The following NRDE2 variants were observed in gnomAD, a reference collection of about 807,000 sequenced individuals.
The protein encoded by NRDE2 is NRDE-2, necessary for RNA interference, domain containing, also known as nuclear exosome regulator NRDE2.
Under a neutral mutation model 124.2 loss-of-function variants are expected in NRDE2, and 76 were observed. The ratio of observed to expected loss-of-function variants is 0.61; its 90% confidence interval spans 0.51 to 0.74. The LOEUF is 0.74. NRDE2 is among the 30% of genes least tolerant of loss of function. The pLI, the probability that NRDE2 is intolerant of heterozygous loss-of-function variation, is 0.00. For missense variants in NRDE2, 1,314 were observed against 1,417.3 expected, an observed-to-expected ratio of 0.93 and a Z score of 1.17; for synonymous variants, 489 against 528.1, an observed-to-expected ratio of 0.93 and a Z score of 1.01.
intron 1 of NRDE2, among the ~76,000 whole-genome samples, chr14:90,326,956 TA>T (rs1033088724): frequency 6.6e-6 from 1 of 152,190 alleles, no homozygotes; most frequent in African/African-American, 2.4e-5. Context: ...ATTTAAAAAT[TA>T]AATCAAAGAA....
At chr14:90,303,711 T>G (rs1884489914) in intron 5 of NRDE2, among the ~76,000 whole-genome samples, 1 of 152,186 alleles carries the variant, frequency 6.6e-6, no homozygotes, top group Non-Finnish European at 1.5e-5. Context: ...CACTCCCAAG[T>G]TATACATTAC....
chr14:90,268,498 T>C lies in NRDE2; in HGVS notation c.*9838A>G, dbSNP rs1021362234. ...TTGAGAATGAGCAATCTCAGGGGGC[T>C]CTCCCTATGGCCACAGTTCTTGCTG... On this transcript the variant is annotated 3_prime_UTR_variant, in exon 14 of 14. Coordinates refer to ENST00000354366, the MANE Select transcript of NRDE2 (RefSeq NM_017970.4). 2.5e-4 allele frequency: 327 copies of C among 1,334,156 alleles called. 1 individual carries two copies. The highest frequency in any genetic ancestry group is 3.5e-4 in the South Asian group (27 of 76,498). 82.6% of individuals were successfully genotyped at this position (1,334,156 alleles called of 1,614,324 possible).
chr14:90,312,640 A>C, intron 3 of NRDE2, 97 bp from the exon 4 acceptor site: 1 of 1,156,194 alleles, frequency 8.6e-7, no homozygotes, highest in Non-Finnish European at 1.3e-6. Context: ...TAAACACTTC[A>C]AACTCCACAT....
At chr14:90,278,975 CG>C (rs1891878527) in intron 13 of NRDE2, 86 bp downstream of exon 13, 1 of 930,536 alleles carries the variant, frequency 1.1e-6, no homozygotes, top group Non-Finnish European at 1.8e-6. Context: ...CCCGGTGCCG[CG>C]GGGCAGGCCG....
Position 90,292,874 on chromosome 14 carries a change from T to C in NRDE2, c.1667-2A>G, listed in dbSNP as rs757105594. ...CTTCTGGTTCATCGTCATCCTCATC[T>C]AGACAAGAATGAGACTTCTTCACCT... On this transcript the variant is annotated splice_acceptor_variant, in intron 8 of 13. Transcript: ENST00000354366. LOFTEE classifies it high-confidence loss of function. 2 of 1,611,068 alleles carry C rather than the reference T, an allele frequency of 1.2e-6. No homozygotes were observed. The highest frequency in any genetic ancestry group is 3.3e-5 in the Admixed American group (2 of 59,892).
At chr14:90,288,179 C>A in intron 11 of NRDE2, 38 bp downstream of exon 11, 1 of 1,570,454 alleles carries the variant, frequency 6.4e-7, no homozygotes, top group South Asian at 1.2e-5. Flanking sequence ...ATTCCATAAA[C>A]ATTTGCGGGG....
chr14:90,290,630 C>A, intron 9 of NRDE2, 23 bp from the exon 10 acceptor site: 1 of 1,577,228 alleles, frequency 6.3e-7, no homozygotes, highest in South Asian at 1.2e-5. Flanking sequence ...CAAAATAAAG[C>A]GACCCATGTA....
In NRDE2 at chr14:90,269,376, TC is replaced by T; in HGVS notation, c.*8959del. The T allele has an allele frequency of 3.2e-6, 5 of 1,557,110 alleles. No individual in the cohort carries two copies. The highest frequency in any genetic ancestry group is 2.4e-5 in the East Asian group (1 of 42,092). ...GGCGATCAGTTGAGTCTTCATTCCT[TC>T]CCTTTTTTTTTTTCCAAAGATATGA... On this transcript the variant is annotated 3_prime_UTR_variant, in exon 14 of 14. Coordinates refer to ENST00000354366, the MANE Select transcript of NRDE2 (RefSeq NM_017970.4).
chr14:90,309,895 C>A (rs761051147), intron 4 of NRDE2, among the ~76,000 whole-genome samples: 1 of 152,152 alleles, frequency 6.6e-6, no homozygotes, highest in Non-Finnish European at 1.5e-5. Flanking sequence ...GCAGTGGTAT[C>A]CTTGCAGTTT....
chr14:90,289,282 C>G, intron 10 of NRDE2, 137 bp from the exon 11 acceptor site: 1 of 671,526 alleles, frequency 1.5e-6, no homozygotes, highest in Non-Finnish European at 2.6e-6. Flanking sequence ...AACACTGAGG[C>G]TCTCTGAGCT....
At chr14:90,327,304 C>G (rs1364720142) in intron 1 of NRDE2, among the ~76,000 whole-genome samples, 1 of 152,350 alleles carries the variant, frequency 6.6e-6, no homozygotes, top group South Asian at 2.1e-4. Context: ...AATCCCAGCA[C>G]TCTGGGAGGC....
In NRDE2 at chr14:90,316,634, T is replaced by C; in HGVS notation, c.351A>G (p.Glu117=). 1 of 1,614,178 alleles carries C rather than the reference T, an allele frequency of 6.2e-7. No homozygotes were observed. The highest frequency in any genetic ancestry group is 8.5e-7 in the Non-Finnish European group (1 of 1,180,032). Residue 117 remains glutamate, a synonymous_variant, in exon 3 of 14, where the codon GAA becomes GAG. Transcript: ENST00000354366. Reference sequence around the variant, plus strand: ...CAACGCCTCTGGAAGGTTTGTCCTTTTCAGAATCGGTGTCTGTCTCAGACC... The same window carrying C: ...CAACGCCTCTGGAAGGTTTGTCCTTCTCAGAATCGGTGTCTGTCTCAGACC... The part of the protein sequence containing the change: ...SSRSETDTDS[E]KDKPSRGVGG...
chr14:90,297,540 G>C (rs1393088906), intron 8 of NRDE2, among the ~76,000 whole-genome samples: 1 of 152,108 alleles, frequency 6.6e-6, no homozygotes, highest in African/African-American at 2.4e-5. Context: ...TAAATGCTAG[G>C]TAATAATTAC....
chr14:90,280,625 TG>T (rs1891927763), intron 12 of NRDE2: 1 of 152,272 alleles, frequency 6.6e-6, no homozygotes, highest in South Asian at 2.1e-4. Context: ...GAAAGCTTGG[TG>T]GGGACCACGT....
intron 1 of NRDE2, among the ~76,000 whole-genome samples, chr14:90,330,286 C>T (rs1381667671): frequency 1.3e-5 from 2 of 151,964 alleles, no homozygotes; most frequent in African/African-American, 4.8e-5. Flanking sequence ...TAATATCCCA[C>T]CTTGTACTAT....
chr14:90,310,518 GC>G lies in NRDE2; in HGVS notation c.557+1875del, dbSNP rs1300136568. On this transcript the variant is annotated intron_variant, in intron 4 of 13. Transcript: ENST00000354366. The stretch of plus-strand genomic sequence containing the variant: ...CATGTCCAATCTCTGTTTGTTGACT[GC>G]CCTTTTTTTTTTTTTTTTTGAGACA... Among the ~76,000 whole-genome samples the G allele has an allele frequency of 7.3e-4, 87 of 119,228 alleles. 1 individual carries two copies. The highest frequency in any genetic ancestry group is 2.5e-3 in the African/African-American group (81 of 32,964). The allele number at this position is 119,228 out of a possible 152,430, so 78.2% of individuals were successfully genotyped here.
chr14:90,290,354 G>C lies in NRDE2; in HGVS notation c.2096C>G (p.Pro699Arg). Residue 699 changes from proline to arginine, a missense_variant, in exon 10 of 14, where the codon CCT (proline) becomes CGT (arginine). Physicochemically the swap from Pro to Arg is moderately radical, Grantham distance 103 (BLOSUM62 -2). Coordinates refer to ENST00000354366, the MANE Select transcript of NRDE2 (RefSeq NM_017970.4). ...CVGRMDRLGY[P>R]RWTRGQNREG... ...TCGGTTCTGACCCCTGGTCCAGCGA[G>C]GATAGCCCAACCTATCCATGCGGCC... 3 of 1,614,118 alleles carry C rather than the reference G, an allele frequency of 1.9e-6. No individual in the cohort carries two copies. The highest frequency in any genetic ancestry group is 2.5e-6 in the Non-Finnish European group (3 of 1,180,030).
intron 4 of NRDE2, 56 bp downstream of exon 4, chr14:90,312,338 G>A (rs368128042): frequency 2.9e-5 from 46 of 1,565,654 alleles, no homozygotes; most frequent in South Asian, 1.2e-4. Context: ...AGAGAGTTCC[G>A]AGGAGAAAAA....
intron 1 of NRDE2, among the ~76,000 whole-genome samples, chr14:90,323,313 T>C (rs1010541888): frequency 6.6e-6 from 1 of 152,232 alleles, no homozygotes; most frequent in Non-Finnish European, 1.5e-5. Context: ...AATTTAATTC[T>C]ATTACACATA....
Sources: gnomAD v4.1 joint callset for allele counts (sites outside exome capture counted in the v4.1 genomes callset) on GRCh38, gnomAD v4.1.1 for gene constraint, MANE v1.5 for transcripts, NCBI Gene and HGNC (gene_info 2026-07-23, HGNC 2026-07-21) for gene names.